The following OTOF variants were observed in gnomAD, a reference collection of about 807,000 sequenced individuals.
The protein encoded by OTOF is otoferlin, also known as fer-1-like family member 2.
Under a neutral mutation model 236.8 loss-of-function variants are expected in OTOF, and 218 were observed. The ratio of observed to expected loss-of-function variants is 0.92; its 90% CI spans 0.82 to 1.03. OTOF has a LOEUF of 1.03. Among genes scored for constraint, OTOF ranks in the 50% least tolerant of loss-of-function variants. The probability of loss-of-function intolerance (pLI) is 0.00; values close to 1 mark genes in which losing one functional copy is unlikely to be tolerated. For synonymous variants in OTOF, 1,041 were observed against 1,072.5 expected (o/e 0.97, Z 0.57); for missense variants, 2,590 against 2,694.4 (o/e 0.96, Z 0.86).
chr2:26,463,087 T>G (rs1016756874), intron 41 of OTOF, among the ~76,000 whole-genome samples: 1 of 152,082 alleles, frequency 6.6e-6, no homozygotes, highest in Non-Finnish European at 1.5e-5. Flanking sequence ...TTCTGTGTGT[T>G]GTGAAGGAGT....
intron 33 of OTOF, among the ~76,000 whole-genome samples, chr2:26,468,143 C>A (rs1161665478): frequency 2.0e-5 from 3 of 152,224 alleles, no homozygotes; most frequent in Non-Finnish European, 4.4e-5. Flanking sequence ...GGAATGAGCT[C>A]TGAGGTCCCT....
chr2:26,558,632 G>T lies in OTOF; in HGVS notation c.-61C>A. 7.2e-7 allele frequency: 1 copy of T among 1,392,870 alleles called. No individual in the cohort carries two copies. The highest frequency in any genetic ancestry group is 2.3e-5 in the East Asian group (1 of 43,724). 86.3% of individuals were successfully genotyped at this position (1,392,870 alleles called of 1,614,324 possible). A position where few individuals can be genotyped will look rare whatever the true frequency, so the allele number is the denominator to read the frequency against. ...CAGCGGGAAGGAGCTAGCCGGTGGA[G>T]CACGGCTCACACGCCTCTCTCTTCT... On this transcript the variant is annotated 5_prime_UTR_variant, in exon 1 of 47. Transcript: ENST00000272371.
At chr2:26,472,841 G>T (rs1208832539) in intron 29 of OTOF, among the ~76,000 whole-genome samples, 192 bp from the exon 30 acceptor site, 1 of 152,210 alleles carries the variant, frequency 6.6e-6, no homozygotes, top group Admixed American at 6.5e-5. Context: ...GGAAGCTGCG[G>T]AGGCCGGTGG....
At position 26,470,537 on chromosome 2, in the gene OTOF, C is replaced by T. The variant is rs1264473601; in HGVS notation, c.4023+56G>A. 12 of 1,562,124 alleles carry T rather than the reference C, an allele frequency of 7.7e-6. No homozygotes were observed. Among genetic ancestry groups the T allele is most frequent in the Non-Finnish European group, 8.8e-6 (10 of 1,133,104 alleles). Reference sequence around the variant, plus strand: ...TGGGGGCCGTGGGAAAGAAGCTGGACAGGAGGGTCTGAGTGTGGAGGGGGT... The same window carrying T: ...TGGGGGCCGTGGGAAAGAAGCTGGATAGGAGGGTCTGAGTGTGGAGGGGGT... On this transcript the variant is annotated intron_variant, in intron 32 of 46. Coordinates refer to ENST00000272371, the MANE Select transcript of OTOF (RefSeq NM_194248.3). This position sits in a 1 kb window ranked among gnomAD's most constrained non-coding sequence, Gnocchi z 4.3.
Position 26,502,329 on chromosome 2 carries a change from T to C in OTOF, c.681A>G (p.Thr227=), listed in dbSNP as rs1428247500. The change falls in exon 7 of 47, where the codon ACA becomes ACG. Residue 227 remains threonine, a synonymous_variant. Transcript: ENST00000272371. The part of the protein sequence containing the change: ...DPDSVSLASV[T]ALTTNVSNKR... ...TGTTGGAGACATTAGTGGTGAGAGC[T>C]GTGACTGAGGCTAGAGACACCGAGT... The C allele has an allele frequency of 1.2e-6, 2 of 1,614,110 alleles. No homozygotes were observed. Among genetic ancestry groups the C allele is most frequent in the Non-Finnish European group, 1.7e-6 (2 of 1,180,020 alleles).
intron 1 of OTOF, among the ~76,000 whole-genome samples, chr2:26,557,011 A>G (rs1465560280): frequency 2.6e-5 from 4 of 152,090 alleles, no homozygotes; most frequent in African/African-American, 9.7e-5. Context: ...TTGGGGTGGG[A>G]GGCAAAAGGC....
chr2:26,497,624 G>A (rs959779747), intron 8 of OTOF, among the ~76,000 whole-genome samples: 2 of 152,190 alleles, frequency 1.3e-5, no homozygotes, highest in Admixed American at 1.3e-4. Context: ...TCATGTTAAG[G>A]AAATAGAAAT....
At chr2:26,526,253 G>A (rs1264037113) in intron 3 of OTOF, among the ~76,000 whole-genome samples, 5 of 151,860 alleles carry the variant, frequency 3.3e-5, no homozygotes, top group Admixed American at 6.6e-5. Flanking sequence ...AGGAAGGATG[G>A]GTGAATGGAT....
At chr2:26,482,622 G>A (rs895575815) in intron 13 of OTOF, 30 bp from the exon 14 acceptor site, 4 of 1,594,314 alleles carry the variant, frequency 2.5e-6, no homozygotes, top group African/African-American at 2.7e-5. Context: ...AGGTGAGGGC[G>A]TGGCATGTGT....
chr2:26,459,918 T>C, intron 46 of OTOF, 90 bp downstream of exon 46: 2 of 1,243,682 alleles, frequency 1.6e-6, no homozygotes, highest in Non-Finnish European at 2.3e-6. Flanking sequence ...GTATGCATAT[T>C]TGTGTTTGTG....
At chr2:26,520,549 G>A (rs1331920789) in intron 3 of OTOF, among the ~76,000 whole-genome samples, 2 of 152,166 alleles carry the variant, frequency 1.3e-5, no homozygotes, top group African/African-American at 2.4e-5. Flanking sequence ...GGATGAAACT[G>A]ACCACGCCAC....
At chr2:26,495,584 C>T (rs1238973974) in intron 8 of OTOF, among the ~76,000 whole-genome samples, 1 of 152,160 alleles carries the variant, frequency 6.6e-6, no homozygotes, top group Non-Finnish European at 1.5e-5. Flanking sequence ...CACTACCACA[C>T]CGGGCTAATT....
intron 16 of OTOF, 48 bp from the exon 17 acceptor site, chr2:26,479,701 C>T (rs771221092): frequency 6.3e-7 from 1 of 1,578,174 alleles, no homozygotes; most frequent in Non-Finnish European, 8.7e-7. Context: ...CCCCACCAGG[C>T]CCCTCCCACC....
chr2:26,475,630 C>G (rs1665219531), intron 24 of OTOF, 137 bp from the exon 25 acceptor site: 1 of 1,062,382 alleles, frequency 9.4e-7, no homozygotes, highest in African/African-American at 1.6e-5. Flanking sequence ...TTCCAGAAAT[C>G]TTAAAATCAA....
Position 26,470,649 on chromosome 2 carries a change from C to G in OTOF, c.3967G>C (p.Glu1323Gln). 6.2e-7 allele frequency: 1 copy of G among 1,614,144 alleles called. No individual in the cohort carries two copies. The highest frequency in any genetic ancestry group is 2.2e-5 in the East Asian group (1 of 44,870). Residue 1323 changes from glutamate (E) to glutamine (Q), a missense_variant, in exon 32 of 47, where the codon GAG (glutamate) becomes CAG (glutamine). Coordinates refer to ENST00000272371, the MANE Select transcript of OTOF (RefSeq NM_194248.3). This position sits in a 1 kb window ranked among gnomAD's most constrained non-coding sequence, Gnocchi z 4.3. ...AEEPEEEEPD[E>Q]SMLDWWSKYF... Reference sequence around the variant, plus strand: ...TTGGACCACCAGTCCAGCATGCTCTCGTCTGGCTCCTCCTCCTCTGGCTCC... The same window carrying G: ...TTGGACCACCAGTCCAGCATGCTCTGGTCTGGCTCCTCCTCCTCTGGCTCC...
chr2:26,534,578 G>C (rs1166613449), intron 2 of OTOF, among the ~76,000 whole-genome samples: 1 of 152,202 alleles, frequency 6.6e-6, no homozygotes, highest in African/African-American at 2.4e-5. Context: ...CCTGAGCAGA[G>C]GAGGGGCCCC....
intron 11 of OTOF, among the ~76,000 whole-genome samples, chr2:26,485,764 G>A (rs1665684073): frequency 6.6e-6 from 1 of 152,232 alleles, no homozygotes; most frequent in Non-Finnish European, 1.5e-5. Flanking sequence ...GATGTTAGGG[G>A]CTGTGTACAG....
intron 9 of OTOF, among the ~76,000 whole-genome samples, chr2:26,494,010 T>G (rs971023357): frequency 2.6e-5 from 4 of 152,220 alleles, no homozygotes; most frequent in African/African-American, 9.7e-5. Context: ...TATTTCTCTA[T>G]TTCTCACATC....
At chr2:26,501,889 G>A in intron 7 of OTOF, 81 bp from the exon 8 acceptor site, 1 of 982,516 alleles carries the variant, frequency 1.0e-6, no homozygotes, top group Non-Finnish European at 1.7e-6. Flanking sequence ...GGTTAGACCT[G>A]GGAGTGGGCA....
Sources: allele counts gnomAD v4.1 joint callset (sites outside exome capture counted in the v4.1 genomes callset), GRCh38; gene constraint gnomAD v4.1.1; non-coding constraint Gnocchi (gnomAD v3.1); transcripts MANE v1.5; gene names NCBI Gene and HGNC (gene_info 2026-07-23, HGNC 2026-07-21).